SKI: variants seen among roughly 807,000 people sequenced by gnomAD.
The protein encoded by SKI is SKI proto-oncogene, also known as ski oncogene.
SKI carries 23 observed loss-of-function variants against 59.3 expected under a neutral mutation model. The ratio of observed to expected loss-of-function variants is 0.39; its 90% CI spans 0.28 to 0.55. The LOEUF is 0.55. Ranked by LOEUF, SKI falls within the 20% of genes least tolerant of loss-of-function variation. The pLI, the probability that SKI is intolerant of heterozygous loss-of-function variation, is 0.67. For missense variants in SKI, 1,017 were observed against 1,038.9 expected (o/e 0.98, Z 0.29); for synonymous variants, 673 against 488.6 (o/e 1.38, Z -4.98).
chr1:2,265,473 C>T (rs569383522), intron 1 of SKI, among the ~76,000 whole-genome samples: 14 of 152,214 alleles, frequency 9.2e-5, no homozygotes, highest in East Asian at 1.9e-4. Context: ...TTATATCTTT[C>T]GTGTCTTTAT....
rs116452288 is a variant in SKI at position 2,241,916 on chromosome 1, C to T, written c.969+12181C>T. Among the ~76,000 whole-genome samples the T allele has an allele frequency of 6.9e-3, 1,057 of 152,236 alleles. 13 individuals carry two copies. Among genetic ancestry groups the T allele is most frequent in the African/African-American group, 0.023 (952 of 41,542 alleles). ...TTTTCGGGACCCAGGGACAGCACTG[C>T]GTGCGATGGATGGGTCTTCCGTGCA... On this transcript the variant is annotated intron_variant, in intron 1 of 6. Transcript: ENST00000378536.
intron 1 of SKI, among the ~76,000 whole-genome samples, chr1:2,296,327 T>C (rs1326267663): frequency 6.6e-6 from 1 of 151,986 alleles, no homozygotes; most frequent in African/African-American, 2.4e-5. Flanking sequence ...CCCTGGGTGG[T>C]TGAGGCTGCA....
chr1:2,301,319 C>CT (rs1178604781), intron 1 of SKI, among the ~76,000 whole-genome samples: 1 of 152,240 alleles, frequency 6.6e-6, no homozygotes, highest in Non-Finnish European at 1.5e-5. Context: ...TTTTCAGTGT[C>CT]TTTTTTCCTG....
At chr1:2,274,304 C>T (rs1229276981) in intron 1 of SKI, among the ~76,000 whole-genome samples, 3 of 152,162 alleles carry the variant, frequency 2.0e-5, no homozygotes. Flanking sequence ...GTTCTTGGCC[C>T]TTCCCAGGCT....
intron 1 of SKI, among the ~76,000 whole-genome samples, chr1:2,249,631 C>T (rs953706327): frequency 6.6e-6 from 1 of 152,194 alleles, no homozygotes; most frequent in African/African-American, 2.4e-5. Context: ...TCCCCACCTG[C>T]TGCTGTTGGG....
rs1553189880 is a variant in SKI at position 2,228,991 on chromosome 1, C to T, written c.225C>T (p.His75=). Residue 75 remains histidine (H), a synonymous_variant, in exon 1 of 7, where the codon CAC becomes CAT. Transcript: ENST00000378536. ...PAATEPPPVL[H]LPAIQPPPPV... The stretch of plus-strand genomic sequence containing the variant: ...CCACCGAGCCGCCGCCCGTGCTGCA[C>T]CTGCCCGCCATCCAGCCGCCGCCGC... 1.9e-6 allele frequency: 3 copies of T among 1,548,658 alleles called. No homozygotes were observed. Among genetic ancestry groups the T allele is most frequent in the Non-Finnish European group, 1.7e-6 (2 of 1,154,118 alleles).
rs189501210 is a variant in SKI, at chr1:2,303,659, G to C, written c.1212-181G>C. The C allele has an allele frequency of 4.6e-6, 4 of 877,934 alleles. No homozygotes were observed. Among genetic ancestry groups the C allele is most frequent in the Admixed American group, 2.3e-5 (1 of 43,416 alleles). The allele number at this position is 877,934 out of a possible 1,614,324, so 54.4% of individuals were successfully genotyped here. On this transcript the variant is annotated intron_variant, in intron 3 of 6. Transcript: ENST00000378536. This position sits in a 1 kb window ranked among gnomAD's most constrained non-coding sequence, Gnocchi z 5.6. ...ATGTGTTGGCCTGTGTCTGGCCTTCGCAAGAGACCCAGCAAGCAGAAAACG... is the reference window on the plus strand; with the variant it reads ...ATGTGTTGGCCTGTGTCTGGCCTTCCCAAGAGACCCAGCAAGCAGAAAACG...
chr1:2,262,211 CAG>C (rs1639402870), intron 1 of SKI, among the ~76,000 whole-genome samples: 1 of 130,522 alleles, frequency 7.7e-6, no homozygotes, highest in South Asian at 2.6e-4. Flanking sequence ...GGCGTGGAAT[CAG>C]AGTTTGGATG....
At chr1:2,278,772 G>A (rs963540294) in intron 1 of SKI, among the ~76,000 whole-genome samples, 1 of 151,984 alleles carries the variant, frequency 6.6e-6, no homozygotes, top group Non-Finnish European at 1.5e-5. Context: ...GTGGCCTGCA[G>A]ACCCCCCTTC....
chr1:2,290,056 G>A (rs916774128), intron 1 of SKI, among the ~76,000 whole-genome samples: 1 of 152,208 alleles, frequency 6.6e-6, no homozygotes, highest in Non-Finnish European at 1.5e-5. Flanking sequence ...TTGCCCTCTT[G>A]TGTGGCGCCG....
At chr1:2,302,925 G>C (rs1640461537) in intron 1 of SKI, 53 bp from the exon 2 acceptor site, 4 of 1,612,424 alleles carry the variant, frequency 2.5e-6, no homozygotes, top group Middle Eastern at 1.7e-4. Flanking sequence ...GGCTGGTGGA[G>C]GGACCCTGCC....
intron 1 of SKI, among the ~76,000 whole-genome samples, chr1:2,245,278 G>A (rs1638968859): frequency 6.6e-6 from 1 of 152,074 alleles, no homozygotes; most frequent in African/African-American, 2.4e-5. Context: ...TCCTTCTCAA[G>A]ACTGAACCGC....
intron 1 of SKI, among the ~76,000 whole-genome samples, chr1:2,256,593 A>G (rs7546430): frequency 0.073 from 11,101 of 152,272 alleles, 483 homozygotes; most frequent in Middle Eastern, 0.15. Flanking sequence ...CACACTGTGC[A>G]GTTGGGTGCC....
At chr1:2,293,189 G>A (rs1470181599) in intron 1 of SKI, among the ~76,000 whole-genome samples, 3 of 152,218 alleles carry the variant, frequency 2.0e-5, no homozygotes, top group Non-Finnish European at 2.9e-5. Flanking sequence ...GCCACTGTGC[G>A]GAGCGGGGTT....
Position 2,309,447 on chromosome 1 carries a change from T to A in SKI, c.*2682T>A, listed in dbSNP as rs2100933373. 1 of 152,322 alleles carries A rather than the reference T, an allele frequency of 6.6e-6. No individual in the cohort carries two copies. The highest frequency in any genetic ancestry group is 2.1e-4 in the South Asian group (1 of 4,828). The allele number at this position is 152,322 out of a possible 1,614,324, so 9.4% of individuals were successfully genotyped here. A position where few individuals can be genotyped will look rare whatever the true frequency, so the allele number is the denominator to read the frequency against. On this transcript the variant is annotated 3_prime_UTR_variant, in exon 7 of 7. Transcript: ENST00000378536. ...CAGAACTAGCCAATGTAAAAACAGTTCACCTGTAAATACTTTTTCCTTTTT... is the reference window on the plus strand; with the variant it reads ...CAGAACTAGCCAATGTAAAAACAGTACACCTGTAAATACTTTTTCCTTTTT...
At chr1:2,266,489 T>C (rs1346706181) in intron 1 of SKI, among the ~76,000 whole-genome samples, 1 of 152,102 alleles carries the variant, frequency 6.6e-6, no homozygotes, top group African/African-American at 2.4e-5. Flanking sequence ...GGCTGGGAAC[T>C]CTCGGGAGGC....
intron 1 of SKI, among the ~76,000 whole-genome samples, chr1:2,258,530 T>G (rs1200633643): frequency 5.6e-5 from 8 of 142,400 alleles, no homozygotes; most frequent in African/African-American, 1.8e-4. Context: ...CTCCCATGAG[T>G]GGCTTGGTCG....
intron 1 of SKI, among the ~76,000 whole-genome samples, chr1:2,282,196 AGAGAGGACGCCT>A (rs1327672858): frequency 5.8e-4 from 10 of 17,284 alleles, no homozygotes; most frequent in African/African-American, 7.6e-4. Flanking sequence ...AGATCTTCAG[AGAGAGGACGCCT>A]GAGAAGACAG....
chr1:2,305,631 G>C (rs866504934), intron 5 of SKI, among the ~76,000 whole-genome samples: 1 of 152,172 alleles, frequency 6.6e-6, no homozygotes, highest in African/African-American at 2.4e-5. Flanking sequence ...ATCTGGCTGC[G>C]TGGGGAGACC....
Sources: gnomAD v4.1 joint callset for allele counts (sites outside exome capture counted in the v4.1 genomes callset) on GRCh38, gnomAD v4.1.1 for gene constraint, Gnocchi (gnomAD v3.1) non-coding constraint, MANE v1.5 for transcripts, NCBI Gene and HGNC (gene_info 2026-07-23, HGNC 2026-07-21) for gene names.